HSH2D: variants seen among roughly 807,000 people sequenced by gnomAD.
HSH2D encodes the protein hematopoietic SH2 domain-containing protein.
In HSH2D, 16 loss-of-function variants were observed where a neutral mutation model predicts 21.5. The ratio of observed to expected loss-of-function variants is 0.74; its 90% CI spans 0.50 to 1.13. HSH2D has a LOEUF of 1.13. Among genes scored for constraint, HSH2D ranks in the 50% most tolerant of loss-of-function variants. The pLI, the probability that HSH2D is intolerant of heterozygous loss-of-function variation, is 0.00. For synonymous variants in HSH2D, 172 were observed against 184.7 expected, an observed-to-expected ratio of 0.93 and a Z score of 0.56; for missense variants, 418 against 441.4, an observed-to-expected ratio of 0.95 and a Z score of 0.47.
chr19:16,153,506 G>A (rs557970370), intron 4 of HSH2D, among the ~76,000 whole-genome samples: 2 of 152,050 alleles, frequency 1.3e-5, no homozygotes, highest in East Asian at 1.9e-4. Context: ...TAGAAGGCTC[G>A]GTGGGCGTGG....
Position 16,157,984 on chromosome 19 carries a change from A to C in HSH2D, c.*190A>C. 1 of 548,334 alleles carries C rather than the reference A, an allele frequency of 1.8e-6. No individual in the cohort carries two copies. The highest frequency in any genetic ancestry group is 1.9e-5 in the African/African-American group (1 of 52,944). 34.0% of individuals were successfully genotyped at this position (548,334 alleles called of 1,614,324 possible). On this transcript the variant is annotated 3_prime_UTR_variant, in exon 6 of 6. Transcript: ENST00000613986. The surrounding 1 kb of genome is among the most constrained non-coding windows in gnomAD (Gnocchi z 4.4). ...GGGTGAGCTGGTTATTTTAGCAACA[A>C]TCATCAGAGTGACGCTGATGGTTTG...
chr19:16,157,793 A>G lies in HSH2D; in HGVS notation c.1058A>G (p.Ter353TrpextTer130), dbSNP rs2091257292. The G allele has an allele frequency of 6.3e-7, 1 of 1,591,464 alleles. No individual in the cohort carries two copies. Residue 353 changes from the stop codon to tryptophan, a stop_lost, in exon 6 of 6, where the codon TAG becomes TGG. Transcript: ENST00000613986. The surrounding 1 kb of genome is among the most constrained non-coding windows in gnomAD (Gnocchi z 4.4). ...CCACCCTTTGCCCCTGGGTACTGCT[A>G]GAGAACAGGTCCACCCTGGCTCTGG... is the stretch of plus-strand genomic sequence containing the variant. ...QPPPFAPGYC[*>W]
chr19:16,143,845 C>A, intron 1 of HSH2D, 71 bp downstream of exon 1: 1 of 351,790 alleles, frequency 2.8e-6, no homozygotes, highest in Non-Finnish European at 5.9e-6. Context: ...GAAGGAGGGA[C>A]AGGGCTAGTG....
At chr19:16,156,786 A>C (rs930432482) in intron 5 of HSH2D, among the ~76,000 whole-genome samples, 1 of 152,130 alleles carries the variant, frequency 6.6e-6, no homozygotes, top group African/African-American at 2.4e-5. Flanking sequence ...TAAGGAGTTC[A>C]AGACCACCAG....
intron 2 of HSH2D, among the ~76,000 whole-genome samples, chr19:16,151,951 A>G (rs1013638745): frequency 1.3e-5 from 2 of 149,462 alleles, no homozygotes; most frequent in African/African-American, 4.9e-5. Flanking sequence ...ACTAAAAAAA[A>G]AAAAAAAAAG....
rs757889935 is a variant in HSH2D, at chr19:16,148,807, G to A, written c.57G>A (p.Val19=). The change falls in exon 2 of 6, where the codon GTG becomes GTA. Residue 19 remains valine (V), a synonymous_variant. Coordinates refer to ENST00000613986, the MANE Select transcript of HSH2D (RefSeq NM_001382417.1). ...TACCCCCACGGCTGGACTGGTTTGTGCACACCCAGATGGGCCAGCTGGCCC... is the reference window on the plus strand; with the variant it reads ...TACCCCCACGGCTGGACTGGTTTGTACACACCCAGATGGGCCAGCTGGCCC... ...LPLPPRLDWF[V]HTQMGQLAQD... 49 of 1,613,658 alleles carry A rather than the reference G, an allele frequency of 3.0e-5. No individual in the cohort carries two copies. The highest frequency in any genetic ancestry group is 3.6e-5 in the Non-Finnish European group (42 of 1,179,814).
Position 16,143,848 on chromosome 19 carries a change from G to A in HSH2D, c.-28+74G>A, listed in dbSNP as rs755481626. ...TGGGCTAGGCCAGAAGGAGGGACAG[G>A]GCTAGTGGGGCCTGGGGTGGCAGGA... is the stretch of plus-strand genomic sequence containing the variant. On this transcript the variant is annotated intron_variant, in intron 1 of 5. Transcript: ENST00000613986. The A allele has an allele frequency of 6.9e-4, 232 of 335,812 alleles. 1 individual carries two copies. In the Middle Eastern group the frequency reaches 0.012, roughly 17 times the overall value. 20.8% of individuals were successfully genotyped at this position (335,812 alleles called of 1,614,324 possible). A position where few individuals can be genotyped will look rare whatever the true frequency, so the allele number is the denominator to read the frequency against.
upstream of HSH2D, among the ~76,000 whole-genome samples, chr19:16,142,841 C>G (rs1403495825): frequency 6.6e-6 from 1 of 152,036 alleles, no homozygotes; most frequent in Non-Finnish European, 1.5e-5. Flanking sequence ...GGCGTGATCT[C>G]GGCTCACTGC....
chr19:16,140,130 G>A (rs1383794419), upstream of HSH2D, among the ~76,000 whole-genome samples: 1 of 152,002 alleles, frequency 6.6e-6, no homozygotes, highest in Non-Finnish European at 1.5e-5. Context: ...TTTCCCAGGA[G>A]GATCAGAGAA....
At chr19:16,142,465 T>C (rs1232116500), upstream of HSH2D, among the ~76,000 whole-genome samples, 1 of 152,190 alleles carries the variant, frequency 6.6e-6, no homozygotes, top group African/African-American at 2.4e-5. Context: ...TGGTTTTCGT[T>C]GGTTTTGTTT....
Position 16,154,389 on chromosome 19 carries a change from C to G in HSH2D, c.382-10C>G. 1 of 1,540,756 alleles carries G rather than the reference C, an allele frequency of 6.5e-7. No homozygotes were observed. Among genetic ancestry groups the G allele is most frequent in the Admixed American group, 2.0e-5 (1 of 50,846 alleles). On this transcript the variant is annotated splice_polypyrimidine_tract_variant and intron_variant, in intron 4 of 5. Transcript: ENST00000613986. ...CTAGTGCTGAGCTACAGGCCCCTTCCGCCCTGCAGAAGGATCCCGCAAACG... is the reference window on the plus strand; with the variant it reads ...CTAGTGCTGAGCTACAGGCCCCTTCGGCCCTGCAGAAGGATCCCGCAAACG...
At chr19:16,149,732 C>A (rs993150677) in intron 2 of HSH2D, among the ~76,000 whole-genome samples, 2 of 151,608 alleles carry the variant, frequency 1.3e-5, no homozygotes, top group African/African-American at 2.4e-5. Flanking sequence ...AGGCATGCAC[C>A]ACCGCACCCG....
intron 1 of HSH2D, among the ~76,000 whole-genome samples, chr19:16,145,020 T>TG (rs2091047449): frequency 1.4e-5 from 2 of 141,512 alleles, no homozygotes; most frequent in African/African-American, 5.6e-5. Flanking sequence ...TTGGTGGTGA[T>TG]GGGTTTTTTT....
At chr19:16,156,063 A>G (rs1046307959) in intron 5 of HSH2D, among the ~76,000 whole-genome samples, 3 of 151,936 alleles carry the variant, frequency 2.0e-5, no homozygotes, top group Admixed American at 6.6e-5. Context: ...GGAAAGAAAC[A>G]TGGATATTTG....
intron 1 of HSH2D, among the ~76,000 whole-genome samples, chr19:16,146,889 G>A (rs546227742): frequency 3.3e-5 from 5 of 150,474 alleles, no homozygotes; most frequent in East Asian, 3.9e-4. Context: ...GCAATGGCGC[G>A]ATCTTGGCTC....
At chr19:16,141,186 A>G (rs766221921), upstream of HSH2D, among the ~76,000 whole-genome samples, 1 of 152,236 alleles carries the variant, frequency 6.6e-6, no homozygotes, top group Non-Finnish European at 1.5e-5. Flanking sequence ...ACCTTAGGAC[A>G]CACAGCAGGT....
intron 4 of HSH2D, 82 bp downstream of exon 4, chr19:16,153,290 C>A: frequency 7.7e-7 from 1 of 1,290,840 alleles, no homozygotes; most frequent in Non-Finnish European, 1.0e-6. Flanking sequence ...ACGCCCCCAT[C>A]AGCTCCTCTT....
upstream of HSH2D, among the ~76,000 whole-genome samples, chr19:16,140,060 G>A (rs185979870): frequency 5.4e-4 from 82 of 152,208 alleles, 1 homozygote; most frequent in Middle Eastern, 3.4e-3. Context: ...CTGGGCCAGC[G>A]TACCCCCATG....
chr19:16,138,763 G>A (rs1297841788), upstream of HSH2D, among the ~76,000 whole-genome samples: 1 of 152,008 alleles, frequency 6.6e-6, no homozygotes, highest in South Asian at 2.1e-4. Flanking sequence ...GCCTGCCCTT[G>A]CTATTTTCTT....
Sources: gnomAD v4.1 joint callset for allele counts (sites outside exome capture counted in the v4.1 genomes callset) on GRCh38, gnomAD v4.1.1 for gene constraint, Gnocchi (gnomAD v3.1) non-coding constraint, MANE v1.5 for transcripts, NCBI Gene and HGNC (gene_info 2026-07-23, HGNC 2026-07-21) for gene names.